The following MTHFD1L variants were observed in gnomAD, a reference collection of about 807,000 sequenced individuals.
The protein encoded by MTHFD1L is methylenetetrahydrofolate dehydrogenase (NADP+ dependent) 1 like, also known as monofunctional C1-tetrahydrofolate synthase, mitochondrial.
In MTHFD1L, 81 loss-of-function variants were observed where a neutral mutation model predicts 119.5. The ratio of observed to expected loss-of-function variants is 0.68; its 90% CI spans 0.57 to 0.82. The LOEUF is 0.82. MTHFD1L is among the 40% of genes least tolerant of loss of function. The probability of loss-of-function intolerance (pLI) is 0.00; values close to 1 mark genes in which losing one functional copy is unlikely to be tolerated. For synonymous variants in MTHFD1L, 430 were observed against 475.2 expected (o/e 0.90, Z 1.24); for missense variants, 1,125 against 1,253.4 (o/e 0.90, Z 1.55).
intron 20 of MTHFD1L, among the ~76,000 whole-genome samples, chr6:150,998,995 A>AAAAAAAAAACTGTATAT: frequency 7.0e-6 from 1 of 143,668 alleles, no homozygotes; most frequent in South Asian, 2.2e-4. Flanking sequence ...GTCTTAAAAA[A>AAAAAAAAAACTGTATAT]ATATATATAC....
chr6:150,949,186 C>T lies in MTHFD1L; in HGVS notation c.1726+53C>T, dbSNP rs1222032707. On this transcript the variant is annotated intron_variant, in intron 16 of 27. Transcript: ENST00000367321. The stretch of plus-strand genomic sequence containing the variant: ...TGATGGCCAGGTGGGGAGGCGTGTT[C>T]GAGCCGAAGCGCTTAAATTCAGAAA... 1.8e-5 allele frequency: 25 copies of T among 1,418,490 alleles called. No homozygotes were observed. The Admixed American group carries it at 1.9e-4, about 11-fold the overall frequency. 87.9% of individuals were successfully genotyped at this position (1,418,490 alleles called of 1,614,324 possible). A position where few individuals can be genotyped will look rare whatever the true frequency, so the allele number is the denominator to read the frequency against.
intron 26 of MTHFD1L, among the ~76,000 whole-genome samples, chr6:151,060,398 AAAC>A (rs1019659198): frequency 2.0e-5 from 3 of 152,214 alleles, no homozygotes; most frequent in Admixed American, 6.5e-5. Context: ...TTAGAAGAAC[AAAC>A]AACAACAACA....
At chr6:151,072,554 C>G (rs960362384) in intron 26 of MTHFD1L, among the ~76,000 whole-genome samples, 2 of 151,894 alleles carry the variant, frequency 1.3e-5, no homozygotes, top group South Asian at 2.1e-4. Context: ...CTTTGGGAGG[C>G]TGAGGCGGCA....
intron 15 of MTHFD1L, 117 bp downstream of exon 15, chr6:150,945,658 G>A: frequency 4.3e-6 from 4 of 922,188 alleles, no homozygotes; most frequent in Non-Finnish European, 5.1e-6. Context: ...TATCCTTTTG[G>A]GTATTAAACT....
chr6:150,985,681 AG>A (rs1400577232), intron 20 of MTHFD1L, among the ~76,000 whole-genome samples: 3 of 145,830 alleles, frequency 2.1e-5, no homozygotes, highest in Admixed American at 1.4e-4. Context: ...AAAAAAAAAA[AG>A]AAAGAAAGAA....
intron 20 of MTHFD1L, among the ~76,000 whole-genome samples, chr6:151,008,855 G>T (rs1302130328): frequency 1.3e-5 from 2 of 151,960 alleles, no homozygotes; most frequent in South Asian, 2.1e-4. Context: ...GGTGGCTCAT[G>T]CCTGTAATCC....
chr6:150,909,253 A>G (rs1786455629), intron 8 of MTHFD1L, among the ~76,000 whole-genome samples: 1 of 151,494 alleles, frequency 6.6e-6, no homozygotes, highest in Non-Finnish European at 1.5e-5. Flanking sequence ...TCTAGCTGTA[A>G]GAGTAACTAC....
rs78610583 is a variant in MTHFD1L at position 151,050,084 on chromosome 6, C to T, written c.2847+12967C>T. Among the ~76,000 whole-genome samples, 717 of 152,232 alleles carry T rather than the reference C, an allele frequency of 4.7e-3. 13 individuals are homozygous for T. Among genetic ancestry groups the T allele is most frequent in the East Asian group, 0.015 (78 of 5,168 alleles). ...TTCCTGGAAGGCAGGGCACCCAGGT[C>T]GGGCATGGAAGTTCTGCACCTCTTC... is the stretch of plus-strand genomic sequence containing the variant. On this transcript the variant is annotated intron_variant, in intron 26 of 27. Coordinates refer to ENST00000367321, the MANE Select transcript of MTHFD1L (RefSeq NM_015440.5).
chr6:150,979,977 TAA>T (rs879342004), intron 20 of MTHFD1L, among the ~76,000 whole-genome samples: 2 of 145,684 alleles, frequency 1.4e-5, no homozygotes, highest in Admixed American at 6.9e-5. Context: ...CATCCACCTT[TAA>T]AAAAAAAAAA....
chr6:151,070,755 C>T (rs1046480040), intron 26 of MTHFD1L, among the ~76,000 whole-genome samples: 1 of 152,166 alleles, frequency 6.6e-6, no homozygotes, highest in Non-Finnish European at 1.5e-5. Flanking sequence ...GTTTGCCAAC[C>T]CCTGATCTAG....
chr6:151,086,893 G>T (rs184449949), intron 26 of MTHFD1L, among the ~76,000 whole-genome samples: 1 of 152,078 alleles, frequency 6.6e-6, no homozygotes, highest in African/African-American at 2.4e-5. Context: ...AAATACTCCT[G>T]CTTAATAAAT....
At chr6:151,016,289 G>T (rs28497939) in intron 24 of MTHFD1L, among the ~76,000 whole-genome samples, 1 of 151,978 alleles carries the variant, frequency 6.6e-6, no homozygotes, top group South Asian at 2.1e-4. Flanking sequence ...GAGCAATTTC[G>T]TGAGGATTGG....
At chr6:151,017,633 C>T (rs1324408135) in intron 24 of MTHFD1L, among the ~76,000 whole-genome samples, 4 of 152,132 alleles carry the variant, frequency 2.6e-5, no homozygotes, top group African/African-American at 4.8e-5. Flanking sequence ...GTGTGAGCCA[C>T]CGCGCCCGGC....
At chr6:151,049,479 G>A (rs1177495553) in intron 26 of MTHFD1L, among the ~76,000 whole-genome samples, 5 of 141,294 alleles carry the variant, frequency 3.5e-5, no homozygotes, top group African/African-American at 1.1e-4. Flanking sequence ...GCAAGACAGC[G>A]AGACTCCGTC....
chr6:151,034,441 T>A (rs1308088404), intron 24 of MTHFD1L, 52 bp from the exon 25 acceptor site: 48 of 1,285,062 alleles, frequency 3.7e-5, no homozygotes, highest in Non-Finnish European at 5.0e-5. Context: ...TTTTAAAAAA[T>A]CTTTAACCAG....
chr6:150,963,040 C>G (rs569697674), intron 18 of MTHFD1L, among the ~76,000 whole-genome samples: 1 of 151,330 alleles, frequency 6.6e-6, no homozygotes, highest in East Asian at 1.9e-4. Context: ...CTCAGCCTCT[C>G]GAGTTGCTGG....
intron 4 of MTHFD1L, among the ~76,000 whole-genome samples, chr6:150,881,433 T>C (rs895102319): frequency 4.6e-5 from 7 of 152,202 alleles, no homozygotes; most frequent in African/African-American, 1.7e-4. Flanking sequence ...TTGGGAAAAT[T>C]CTCATAGAGT....
intron 20 of MTHFD1L, among the ~76,000 whole-genome samples, chr6:150,978,107 GC>G: frequency 6.6e-6 from 1 of 152,080 alleles, no homozygotes; most frequent in East Asian, 1.9e-4. Flanking sequence ...CACCATGTTA[GC>G]CAGGCTGGTC....
intron 24 of MTHFD1L, among the ~76,000 whole-genome samples, chr6:151,018,751 A>G (rs73620644): frequency 0.065 from 9,929 of 152,234 alleles, 1,071 homozygotes; most frequent in African/African-American, 0.23. Flanking sequence ...AGTGATGGGC[A>G]TAGGCACAGA....
Sources: allele counts gnomAD v4.1 joint callset (sites outside exome capture counted in the v4.1 genomes callset), GRCh38; gene constraint gnomAD v4.1.1; transcripts MANE v1.5; gene names NCBI Gene and HGNC (gene_info 2026-07-23, HGNC 2026-07-21).